Variants in QSOX1 observed in about 807,000 individuals in gnomAD.
QSOX1 encodes sulfhydryl oxidase 1.
QSOX1 carries 40 observed loss-of-function variants against 76.1 expected under a neutral mutation model. The observed-to-expected ratio is 0.53, with a 90% CI of 0.41 to 0.68. The LOEUF (loss-of-function observed/expected upper bound fraction) is 0.68. QSOX1 is among the 30% of genes least tolerant of loss of function. QSOX1 has a pLI of 0.00. For missense variants in QSOX1, 931 were observed against 974.3 expected, an observed-to-expected ratio of 0.96 and a Z score of 0.59; for synonymous variants, 392 against 413.1, an observed-to-expected ratio of 0.95 and a Z score of 0.62.
At chr1:180,180,668 C>T (rs997804944) in intron 5 of QSOX1, among the ~76,000 whole-genome samples, 3 of 152,220 alleles carry the variant, frequency 2.0e-5, no homozygotes, top group African/African-American at 7.2e-5. Context: ...GCGCCCGCCA[C>T]CACACCAGGC....
At chr1:180,173,091 C>T (rs932430092) in intron 2 of QSOX1, among the ~76,000 whole-genome samples, 61 of 152,246 alleles carry the variant, frequency 4.0e-4, no homozygotes, top group Admixed American at 2.2e-3. Context: ...ACATCACCCT[C>T]GGGTTTCTTT....
At chr1:180,171,097 A>G (rs569934828) in intron 2 of QSOX1, among the ~76,000 whole-genome samples, 11 of 152,320 alleles carry the variant, frequency 7.2e-5, no homozygotes, top group Admixed American at 5.2e-4. Context: ...TCAGACCAGA[A>G]CTGTGCCTTA....
chr1:180,156,325 A>T (rs1296784767), intron 1 of QSOX1, among the ~76,000 whole-genome samples: 1 of 151,948 alleles, frequency 6.6e-6, no homozygotes, highest in Non-Finnish European at 1.5e-5. Context: ...TTACTTCCTG[A>T]CTCTGGTGCT....
At position 180,197,628 on chromosome 1, in the gene QSOX1, C is replaced by T. The variant is rs1230166358; in HGVS notation, c.*591C>T. 4.1e-6 allele frequency: 2 copies of T among 492,384 alleles called. No individual in the cohort carries two copies. The highest frequency in any genetic ancestry group is 3.6e-5 in the East Asian group (1 of 27,540). 30.5% of individuals were successfully genotyped at this position (492,384 alleles called of 1,614,324 possible). A position where few individuals can be genotyped will look rare whatever the true frequency, so the allele number is the denominator to read the frequency against. ...GTGGGGTTTGGAAGCTTCTGGAAGT[C>T]GTGCTGGTCTCCCAGGTGAGGCAAG... is the stretch of plus-strand genomic sequence containing the variant. On this transcript the variant is annotated 3_prime_UTR_variant, in exon 12 of 12. Transcript: ENST00000367602.
At chr1:180,189,493 G>A in intron 8 of QSOX1, 59 bp from the exon 9 acceptor site, 1 of 1,483,096 alleles carries the variant, frequency 6.7e-7, no homozygotes, top group South Asian at 1.3e-5. Flanking sequence ...CCATCTGCAG[G>A]ACGGGGAACT....
intron 9 of QSOX1, among the ~76,000 whole-genome samples, chr1:180,190,198 T>A (rs1663274311): frequency 6.6e-6 from 1 of 152,192 alleles, no homozygotes; most frequent in African/African-American, 2.4e-5. Context: ...GATAACCCCC[T>A]TGTGTTACAG....
chr1:180,166,537 G>T lies in QSOX1; in HGVS notation c.312G>T (p.Glu104Asp), dbSNP rs149269903. 2 of 1,614,042 alleles carry T rather than the reference G, an allele frequency of 1.2e-6. No homozygotes were observed. The highest frequency in any genetic ancestry group is 3.3e-5 in the Admixed American group (2 of 60,010). Residue 104 changes from glutamate (E) to aspartate (D), a missense_variant, in exon 2 of 12, where the codon GAG (glutamate) becomes GAT (aspartate). By Grantham distance (45) the Glu-to-Asp change is conservative (BLOSUM62 2). Coordinates refer to ENST00000367602, the MANE Select transcript of QSOX1 (RefSeq NM_002826.5). ...LYLAALDCAEETNSAVCRDFN... is the reference protein window; with the variant it reads ...LYLAALDCAEDTNSAVCRDFN... ...TCGCCGCCCTGGACTGTGCTGAGGA[G>T]ACCAACAGTGCAGTCTGCAGAGACT...
intron 3 of QSOX1, among the ~76,000 whole-genome samples, 171 bp from the exon 4 acceptor site, chr1:180,175,760 G>A (rs932986231): frequency 2.6e-5 from 4 of 152,212 alleles, no homozygotes; most frequent in Admixed American, 1.3e-4. Flanking sequence ...GGCCACAGGA[G>A]GACTACTCAA....
At chr1:180,184,705 G>A (rs967161183) in intron 7 of QSOX1, among the ~76,000 whole-genome samples, 33 of 152,330 alleles carry the variant, frequency 2.2e-4, no homozygotes, top group Non-Finnish European at 2.1e-4. Flanking sequence ...TGCATACCAG[G>A]TGGAAATGTC....
At chr1:180,186,235 T>C in intron 8 of QSOX1, 53 bp downstream of exon 8, 2 of 1,467,144 alleles carry the variant, frequency 1.4e-6, no homozygotes, top group South Asian at 2.5e-5. Context: ...ATGGTCAGTG[T>C]GCGTTCCTGT....
chr1:180,178,938 C>G (rs1372485097), intron 5 of QSOX1, 54 bp downstream of exon 5: 2 of 1,513,666 alleles, frequency 1.3e-6, no homozygotes, highest in African/African-American at 2.8e-5. Flanking sequence ...AGAGAGAGCC[C>G]CAGTTTGGGA....
intron 2 of QSOX1, among the ~76,000 whole-genome samples, chr1:180,172,009 C>T (rs921941750): frequency 2.6e-5 from 4 of 152,108 alleles, no homozygotes; most frequent in East Asian, 1.9e-4. Flanking sequence ...TTCCCTAGAA[C>T]GGCTTCAACT....
intron 1 of QSOX1, among the ~76,000 whole-genome samples, chr1:180,157,382 T>C (rs1662397945): frequency 6.6e-6 from 1 of 152,214 alleles, no homozygotes; most frequent in Admixed American, 6.5e-5. Context: ...CTAGGGTTGG[T>C]CTCGCTTCAT....
chr1:180,182,127 C>T, intron 5 of QSOX1, 47 bp from the exon 6 acceptor site: 3 of 1,606,482 alleles, frequency 1.9e-6, no homozygotes, highest in Non-Finnish European at 2.6e-6. Context: ...AGCCCTGGCT[C>T]CCTCCACCCG....
At chr1:180,179,847 G>A (rs910571969) in intron 5 of QSOX1, among the ~76,000 whole-genome samples, 12 of 152,252 alleles carry the variant, frequency 7.9e-5, no homozygotes, top group Non-Finnish European at 7.3e-5. Flanking sequence ...ACAGGGGTTG[G>A]GGAGGGGAAA....
In QSOX1 at chr1:180,196,526, T is replaced by C. The variant is rs1428856833; in HGVS notation, c.1733T>C (p.Leu578Pro). ...ALELESRNST[L>P]DPGKPEMMKS... The stretch of plus-strand genomic sequence containing the variant: ...GAGCTGGAAAGCCGGAATTCAACTC[T>C]GGACCCTGGGAAGCCTGAGATGATG... Residue 578 changes from leucine to proline, a missense_variant, in exon 12 of 12, where the codon CTG (leucine) becomes CCG (proline). Physicochemically the swap from Leu to Pro is moderately conservative, Grantham distance 98. Transcript: ENST00000367602. The surrounding 1 kb of genome is among the most constrained non-coding windows in gnomAD (Gnocchi z 4.1). 4 of 1,614,160 alleles carry C rather than the reference T, an allele frequency of 2.5e-6. No individual in the cohort carries two copies. Among genetic ancestry groups the C allele is most frequent in the African/African-American group, 1.3e-5 (1 of 75,044 alleles).
chr1:180,196,530 C>G lies in QSOX1; in HGVS notation c.1737C>G (p.Asp579Glu), dbSNP rs755684560. 1.3e-5 allele frequency: 21 copies of G among 1,614,152 alleles called. No individual in the cohort carries two copies. The South Asian group carries it at 2.0e-4, about 15-fold the overall frequency. ...TGGAAAGCCGGAATTCAACTCTGGA[C>G]CCTGGGAAGCCTGAGATGATGAAGT... ...LELESRNSTL[D>E]PGKPEMMKSP... is the part of the protein sequence containing the mutation. Residue 579 changes from aspartate (D) to glutamate (E), a missense_variant, in exon 12 of 12, where the codon GAC (aspartate) becomes GAG (glutamate). By Grantham distance (45) the Asp-to-Glu change is conservative. Coordinates refer to ENST00000367602, the MANE Select transcript of QSOX1 (RefSeq NM_002826.5). This position sits in a 1 kb window ranked among gnomAD's most constrained non-coding sequence, Gnocchi z 4.1.
chr1:180,189,332 A>AC (rs1663249560), intron 8 of QSOX1, among the ~76,000 whole-genome samples: 1 of 152,130 alleles, frequency 6.6e-6, no homozygotes, highest in African/African-American at 2.4e-5. Context: ...CCTGTCTTCT[A>AC]GCCTTACCAG....
chr1:180,198,452 A>G lies in QSOX1; in HGVS notation c.*1415A>G, dbSNP rs1663560985. 2.2e-6 allele frequency: 1 copy of G among 449,632 alleles called. No homozygotes were observed. Among genetic ancestry groups the G allele is most frequent in the African/African-American group, 2.0e-5 (1 of 49,904 alleles). 27.9% of individuals were successfully genotyped at this position (449,632 alleles called of 1,614,324 possible). Reference sequence around the variant, plus strand: ...CGGCCTGCTGGGTTTTACAAGGATCAGAGCTGCTGATAATGAACCTCATTA... The same window carrying G: ...CGGCCTGCTGGGTTTTACAAGGATCGGAGCTGCTGATAATGAACCTCATTA... On this transcript the variant is annotated 3_prime_UTR_variant, in exon 12 of 12. Transcript: ENST00000367602.
Sources: gnomAD v4.1 joint callset for allele counts (sites outside exome capture counted in the v4.1 genomes callset) on GRCh38, gnomAD v4.1.1 for gene constraint, Gnocchi (gnomAD v3.1) non-coding constraint, MANE v1.5 for transcripts, NCBI Gene and HGNC (gene_info 2026-07-23, HGNC 2026-07-21) for gene names.